The following TUSC3 variants were observed in gnomAD, a reference collection of about 807,000 sequenced individuals.
TUSC3 encodes tumor suppressor candidate 3.
TUSC3 carries 45 observed loss-of-function variants against 44.8 expected under a neutral mutation model. The ratio of observed to expected loss-of-function variants is 1.00; its 90% CI spans 0.79 to 1.29. TUSC3 has a LOEUF of 1.29. TUSC3 is among the 50% of genes most tolerant of loss of function. The pLI is 0.00. For synonymous variants in TUSC3, 212 were observed against 152.9 expected (o/e 1.39, Z -2.85); for missense variants, 519 against 437.9 (o/e 1.19, Z -1.65).
intron 1 of TUSC3, among the ~76,000 whole-genome samples, chr8:15,571,313 T>A (rs989914349): frequency 6.6e-6 from 1 of 152,164 alleles, no homozygotes; most frequent in Non-Finnish European, 1.5e-5. Flanking sequence ...GGTGTAACTT[T>A]GAGACATGGG....
At chr8:15,463,248 T>G in intron 1 of TUSC3, among the ~76,000 whole-genome samples, 1 of 152,228 alleles carries the variant, frequency 6.6e-6, no homozygotes. Context: ...TTTAAATAAC[T>G]TTATACGTAT....
At chr8:15,697,431 C>A (rs976581856) in intron 6 of TUSC3, among the ~76,000 whole-genome samples, 1 of 152,148 alleles carries the variant, frequency 6.6e-6, no homozygotes, top group African/African-American at 2.4e-5. Flanking sequence ...TATGAACTTT[C>A]CTCCTTGCAC....
intron 1 of TUSC3, among the ~76,000 whole-genome samples, chr8:15,602,341 C>T (rs931056815): frequency 6.6e-6 from 1 of 151,618 alleles, no homozygotes; most frequent in Non-Finnish European, 1.5e-5. Flanking sequence ...TTTGATTTGT[C>T]TGGACAAACT....
chr8:15,661,128 G>A (rs956394010), intron 4 of TUSC3, among the ~76,000 whole-genome samples: 4 of 151,486 alleles, frequency 2.6e-5, no homozygotes, highest in African/African-American at 7.3e-5. Flanking sequence ...TTTTCTTTCT[G>A]AAAAAAATTA....
intron 1 of TUSC3, among the ~76,000 whole-genome samples, chr8:15,596,241 T>C (rs551886127): frequency 6.6e-6 from 1 of 152,314 alleles, no homozygotes; most frequent in East Asian, 1.9e-4. Context: ...TTACTTTATT[T>C]GAATAATTGC....
intron 2 of TUSC3, among the ~76,000 whole-genome samples, chr8:15,503,623 G>A (rs1235920321): frequency 6.6e-6 from 1 of 152,104 alleles, no homozygotes; most frequent in Non-Finnish European, 1.5e-5. Flanking sequence ...GGGATTGCTT[G>A]AGCCCAGGAA....
At chr8:15,596,908 C>G (rs1804094604) in intron 1 of TUSC3, among the ~76,000 whole-genome samples, 1 of 152,090 alleles carries the variant, frequency 6.6e-6, no homozygotes, top group Admixed American at 6.6e-5. Flanking sequence ...ACATAGTTGA[C>G]TGCAGGCTGT....
chr8:15,758,051 T>C (rs994548557), intron 10 of TUSC3, 196 bp downstream of exon 10: 1 of 1,387,030 alleles, frequency 7.2e-7, no homozygotes, highest in South Asian at 1.7e-5. Flanking sequence ...CAGATAAAAA[T>C]GTCTACCAAA....
chr8:15,454,707 A>G (rs1042720445), intron 1 of TUSC3, among the ~76,000 whole-genome samples: 1 of 152,188 alleles, frequency 6.6e-6, no homozygotes, highest in Non-Finnish European at 1.5e-5. Flanking sequence ...AACTGAAATC[A>G]TTTTAATCAG....
chr8:15,472,290 A>T (rs1800504003), intron 1 of TUSC3, among the ~76,000 whole-genome samples: 1 of 152,212 alleles, frequency 6.6e-6, no homozygotes, highest in African/African-American at 2.4e-5. Context: ...TAAAAGCCTG[A>T]GAGATTCTGG....
intron 6 of TUSC3, among the ~76,000 whole-genome samples, chr8:15,676,607 T>G (rs183298040): frequency 6.6e-6 from 1 of 152,258 alleles, no homozygotes; most frequent in Non-Finnish European, 1.5e-5. Flanking sequence ...CAGCGGACAT[T>G]TGGTAGTGTC....
At chr8:15,423,971 T>G (rs1223412371) in intron 1 of TUSC3, among the ~76,000 whole-genome samples, 5 of 22,410 alleles carry the variant, frequency 2.2e-4, no homozygotes, top group African/African-American at 6.9e-4. Flanking sequence ...TTTGCTTTGT[T>G]TTTTTTTTTT....
At chr8:15,479,721 C>T (rs1188309111) in intron 1 of TUSC3, among the ~76,000 whole-genome samples, 1 of 152,142 alleles carries the variant, frequency 6.6e-6, no homozygotes, top group Non-Finnish European at 1.5e-5. Context: ...AGCATAATGC[C>T]TCCAGCTTTG....
intron 1 of TUSC3, among the ~76,000 whole-genome samples, chr8:15,565,404 A>G (rs1478735955): frequency 1.3e-5 from 2 of 152,126 alleles, no homozygotes; most frequent in South Asian, 2.1e-4. Context: ...TAAGGTAACA[A>G]TTAACCTGTT....
intron 1 of TUSC3, among the ~76,000 whole-genome samples, chr8:15,619,744 T>C (rs556676248): frequency 2.6e-5 from 4 of 152,276 alleles, no homozygotes; most frequent in African/African-American, 9.6e-5. Context: ...TCTCCTGACC[T>C]TGTGAGCTGC....
chr8:15,840,003 T>C, the TUSC3 span, among the ~76,000 whole-genome samples: 2 of 151,984 alleles, frequency 1.3e-5, no homozygotes, highest in Non-Finnish European at 2.9e-5. Flanking sequence ...ATAGACTGGA[T>C]TAAGAAAATG....
intron 2 of TUSC3, among the ~76,000 whole-genome samples, chr8:15,530,915 T>C (rs1374416834): frequency 1.3e-5 from 2 of 152,164 alleles, no homozygotes; most frequent in Non-Finnish European, 2.9e-5. Flanking sequence ...GTGTCCTTAA[T>C]CTTCTTGGCA....
intron 3 of TUSC3, 37 bp from the exon 4 acceptor site, chr8:15,659,470 G>A: frequency 6.2e-7 from 1 of 1,601,922 alleles, no homozygotes; most frequent in Non-Finnish European, 8.5e-7. Context: ...ATGATAAGAT[G>A]ATCCTATATT....
chr8:15,427,470 A>C (rs1340760729), intron 1 of TUSC3, among the ~76,000 whole-genome samples: 1 of 152,102 alleles, frequency 6.6e-6, no homozygotes, highest in Non-Finnish European at 1.5e-5. Flanking sequence ...CATCCCAGTA[A>C]GATCTCAGGG....
Sources: allele counts gnomAD v4.1 joint callset (sites outside exome capture counted in the v4.1 genomes callset), GRCh38; gene constraint gnomAD v4.1.1; transcripts MANE v1.5; gene names NCBI Gene and HGNC (gene_info 2026-07-23, HGNC 2026-07-21).